Variants in DLG2 observed in about 807,000 individuals in gnomAD.
The protein encoded by DLG2 is discs large MAGUK scaffold protein 2.
A neutral mutation model predicts 132.5 loss-of-function variants in DLG2; 45 were observed. The ratio of observed to expected loss-of-function variants is 0.34; its 90% CI spans 0.27 to 0.44. The LOEUF (loss-of-function observed/expected upper bound fraction) is 0.44. Ranked by LOEUF, DLG2 falls within the 20% of genes least tolerant of loss-of-function variation. The pLI is 1.00. For synonymous variants in DLG2, 424 were observed against 419.6 expected (o/e 1.01, Z -0.13); for missense variants, 1,045 against 1,196.9 (o/e 0.87, Z 1.87).
intron 15 of DLG2, among the ~76,000 whole-genome samples, chr11:83,902,313 AT>A: frequency 6.6e-6 from 1 of 152,154 alleles, no homozygotes; most frequent in Non-Finnish European, 1.5e-5. Context: ...ACTAGCCTTC[AT>A]TGGAAAATAA....
intron 7 of DLG2, among the ~76,000 whole-genome samples, chr11:84,521,209 C>T (rs2099298519): frequency 6.6e-6 from 1 of 152,162 alleles, no homozygotes; most frequent in Non-Finnish European, 1.5e-5. Context: ...CTAGATTTGG[C>T]CCTTTACTAA....
chr11:83,981,501 G>A (rs1027793354), intron 11 of DLG2, among the ~76,000 whole-genome samples: 5 of 152,200 alleles, frequency 3.3e-5, no homozygotes, highest in Middle Eastern at 3.4e-3. Context: ...GAGTGCAGTG[G>A]TATGATTTCA....
intron 6 of DLG2, among the ~76,000 whole-genome samples, chr11:84,828,993 G>A (rs1340959752): frequency 1.3e-5 from 2 of 151,646 alleles, no homozygotes; most frequent in South Asian, 4.1e-4. Context: ...GTCTCTGGCT[G>A]AGTCTCTTTT....
At chr11:85,240,027 A>G (rs2075798928) in intron 4 of DLG2, among the ~76,000 whole-genome samples, 1 of 151,878 alleles carries the variant, frequency 6.6e-6, no homozygotes, top group Non-Finnish European at 1.5e-5. Context: ...AATATATAAA[A>G]TCCTGCTATT....
intron 6 of DLG2, among the ~76,000 whole-genome samples, chr11:84,692,801 CAAT>C (rs943140158): frequency 1.3e-5 from 2 of 151,290 alleles, no homozygotes; most frequent in African/African-American, 2.4e-5. Flanking sequence ...ATATGATATG[CAAT>C]AATAATAATA....
chr11:85,037,480 T>C (rs183774242), intron 6 of DLG2, among the ~76,000 whole-genome samples: 160 of 152,312 alleles, frequency 1.1e-3, no homozygotes, highest in African/African-American at 3.7e-3. Context: ...GCCATAGCAG[T>C]ATTTCAGAAA....
chr11:84,650,694 T>A (rs773897585), intron 6 of DLG2, among the ~76,000 whole-genome samples: 17 of 151,934 alleles, frequency 1.1e-4, no homozygotes, highest in Non-Finnish European at 1.6e-4. Context: ...CTATTCATAG[T>A]CTCTTATGAT....
chr11:85,294,041 A>G (rs1290861580), intron 3 of DLG2, among the ~76,000 whole-genome samples: 1 of 152,074 alleles, frequency 6.6e-6, no homozygotes, highest in Non-Finnish European at 1.5e-5. Context: ...CAGGAGTTTA[A>G]GACCAGCCTG....
At chr11:84,741,206 A>C (rs1281913143) in intron 6 of DLG2, among the ~76,000 whole-genome samples, 1 of 151,262 alleles carries the variant, frequency 6.6e-6, no homozygotes, top group African/African-American at 2.4e-5. Flanking sequence ...AGCTGGGACT[A>C]CAGGCGCCCG....
At chr11:85,519,657 T>C (rs2074118862) in intron 3 of DLG2, among the ~76,000 whole-genome samples, 2 of 152,216 alleles carry the variant, frequency 1.3e-5, no homozygotes, top group Non-Finnish European at 1.5e-5. Context: ...TGGGAAGGCA[T>C]GACTGGTTTT....
chr11:83,933,036 C>T lies in DLG2; in HGVS notation c.1341-2553G>A, dbSNP rs569342065. 2.0e-5 allele frequency among the ~76,000 whole-genome samples: 3 copies of T among 152,290 alleles called. No individual in the cohort carries two copies. The East Asian group carries it at 5.8e-4, about 29-fold the overall frequency. On this transcript the variant is annotated intron_variant, in intron 14 of 27. Transcript: ENST00000376104. ...CTTCTCGGCCCTGAGTTCCAGAAGG[C>T]CTAATACTGGGAGCCAGCATTCTTA... is the stretch of plus-strand genomic sequence containing the variant.
chr11:84,825,809 C>A (rs772236781), intron 6 of DLG2, among the ~76,000 whole-genome samples: 1 of 151,900 alleles, frequency 6.6e-6, no homozygotes, highest in Non-Finnish European at 1.5e-5. Flanking sequence ...CACTTGTTCA[C>A]CTTCTTCATC....
At chr11:84,271,532 A>T (rs2154364418) in intron 7 of DLG2, among the ~76,000 whole-genome samples, 1 of 152,332 alleles carries the variant, frequency 6.6e-6, no homozygotes, top group African/African-American at 2.4e-5. Flanking sequence ...TGAGATCAGT[A>T]AAGACAAAGC....
At chr11:84,183,207 A>G (rs1233094297) in intron 8 of DLG2, among the ~76,000 whole-genome samples, 1 of 152,222 alleles carries the variant, frequency 6.6e-6, no homozygotes, top group Non-Finnish European at 1.5e-5. Context: ...TCCAGAAAAG[A>G]GAAGCACAAA....
At chr11:84,468,209 T>C (rs1168554370) in intron 7 of DLG2, among the ~76,000 whole-genome samples, 1 of 151,600 alleles carries the variant, frequency 6.6e-6, no homozygotes, top group Non-Finnish European at 1.5e-5. Flanking sequence ...AAGGAGGAGA[T>C]TGGGTATGCC....
intron 11 of DLG2, among the ~76,000 whole-genome samples, chr11:83,991,445 T>C (rs887648626): frequency 5.3e-5 from 8 of 152,228 alleles, no homozygotes; most frequent in African/African-American, 1.7e-4. Context: ...TCCTTTCTGC[T>C]TTCCCTTTGT....
chr11:84,242,800 T>C (rs2097249873), intron 8 of DLG2, among the ~76,000 whole-genome samples: 1 of 152,182 alleles, frequency 6.6e-6, no homozygotes, highest in African/African-American at 2.4e-5. Flanking sequence ...CCTCCATGTG[T>C]ATCATGTTTA....
At chr11:84,306,270 T>C (rs1229105082) in intron 7 of DLG2, among the ~76,000 whole-genome samples, 1 of 152,068 alleles carries the variant, frequency 6.6e-6, no homozygotes, top group Non-Finnish European at 1.5e-5. Context: ...TAAATTATTA[T>C]TTGTCAATTA....
rs188567304 is a variant in DLG2 at position 84,789,579 on chromosome 11, G to C, written c.358-254848C>G. On this transcript the variant is annotated intron_variant, in intron 6 of 27. Transcript: ENST00000376104. ...ACAAACAATCGAATTATACTTTTTA[G>C]TTATTTTTAAATGTGCAATTAAATT... 6.9e-3 allele frequency among the ~76,000 whole-genome samples: 1,053 copies of C among 152,082 alleles called. 10 individuals are homozygous for C. Among genetic ancestry groups the C allele is most frequent in the Middle Eastern group, 0.017 (5 of 294 alleles).
Sources: gnomAD v4.1 joint callset for allele counts (sites outside exome capture counted in the v4.1 genomes callset) on GRCh38, gnomAD v4.1.1 for gene constraint, MANE v1.5 for transcripts, NCBI Gene and HGNC (gene_info 2026-07-23, HGNC 2026-07-21) for gene names.